Variants in MAST2 observed in about 807,000 individuals in gnomAD.
MAST2 encodes microtubule associated serine/threonine kinase 2.
Under a neutral mutation model 147.4 loss-of-function variants are expected in MAST2, and 70 were observed. The observed-to-expected ratio is 0.47, with a 90% confidence interval of 0.39 to 0.58. MAST2 has a LOEUF of 0.58. Among genes scored for constraint, MAST2 ranks in the 20% least tolerant of loss-of-function variants. MAST2 has a pLI of 0.00. For missense variants in MAST2, 2,080 were observed against 2,302.3 expected, an observed-to-expected ratio of 0.90 and a Z score of 1.98; for synonymous variants, 869 against 896.8, an observed-to-expected ratio of 0.97 and a Z score of 0.55.
chr1:45,884,487 G>C (rs1368983856), intron 4 of MAST2, among the ~76,000 whole-genome samples: 1 of 152,194 alleles, frequency 6.6e-6, no homozygotes, highest in Admixed American at 6.5e-5. Context: ...AGGAGACGGA[G>C]GTTGCAGTGA....
intron 4 of MAST2, among the ~76,000 whole-genome samples, chr1:45,927,821 G>T (rs1654643471): frequency 6.6e-6 from 1 of 152,204 alleles, no homozygotes; most frequent in African/African-American, 2.4e-5. Context: ...AAGTGTCCAT[G>T]AAATCTTTAC....
chr1:45,858,160 T>C (rs1645855311), intron 3 of MAST2, among the ~76,000 whole-genome samples: 1 of 152,312 alleles, frequency 6.6e-6, no homozygotes, highest in Middle Eastern at 3.4e-3. Context: ...ATGGTATTTC[T>C]AGTTCTGCAT....
In MAST2 at chr1:45,997,727, A is replaced by G; in HGVS notation, c.596A>G (p.Asn199Ser). ...PHSPLHGHTG[N>S]SPLDSPRNFS... Reference sequence around the variant, plus strand: ...TTGTTTCTTTTCCCATCCACAGGTAACAGTCCTTTGGACAGCCCCCGGAAT... The same window carrying G: ...TTGTTTCTTTTCCCATCCACAGGTAGCAGTCCTTTGGACAGCCCCCGGAAT... Residue 199 changes from asparagine (N) to serine (S), a missense_variant, in exon 6 of 29, where the codon AAC (asparagine) becomes AGC (serine). Asn to Ser is a conservative substitution (Grantham distance 46). This residue lies in a region of MAST2 where 569 missense variants were observed against 642.5 expected (regional missense o/e 0.89). Coordinates refer to ENST00000361297, the MANE Select transcript of MAST2 (RefSeq NM_015112.3). 1 of 1,613,784 alleles carries G rather than the reference A, an allele frequency of 6.2e-7. No individual in the cohort carries two copies. The highest frequency in any genetic ancestry group is 2.2e-5 in the East Asian group (1 of 44,886).
intron 3 of MAST2, among the ~76,000 whole-genome samples, chr1:45,882,053 G>A (rs977720356): frequency 4.1e-5 from 6 of 144,954 alleles, no homozygotes; most frequent in Admixed American, 2.8e-4. Flanking sequence ...TTAGCCAGGC[G>A]TGGTGGCGGG....
intron 4 of MAST2, among the ~76,000 whole-genome samples, chr1:45,941,538 G>A (rs34325724): frequency 0.45 from 68,044 of 152,134 alleles, 15,416 homozygotes; most frequent in East Asian, 0.63. Flanking sequence ...AATTACAGGC[G>A]TGAGCTACCG....
intron 4 of MAST2, among the ~76,000 whole-genome samples, chr1:45,917,950 C>A (rs894695064): frequency 1.3e-5 from 2 of 152,180 alleles, no homozygotes; most frequent in Non-Finnish European, 2.9e-5. Context: ...TTCTTTCTGT[C>A]TTCCTTTTCT....
In MAST2 at chr1:46,025,789, C is replaced by T. The variant is rs777674645; in HGVS notation, c.1893C>T (p.Ile631=). 52 of 1,614,088 alleles carry T rather than the reference C, an allele frequency of 3.2e-5. No homozygotes were observed. Among genetic ancestry groups the T allele is most frequent in the Non-Finnish European group, 4.2e-5 (49 of 1,180,048 alleles). Reference sequence around the variant, plus strand: ...TGGAGTACTTACACAACTATGGCATCGTGCACCGTGACCTCAAGCCTGACA... The same window carrying T: ...TGGAGTACTTACACAACTATGGCATTGTGCACCGTGACCTCAAGCCTGACA... ...LALEYLHNYG[I]VHRDLKPDNL... Residue 631 remains isoleucine (I), a synonymous_variant, in exon 16 of 29, where the codon ATC becomes ATT. Coordinates refer to ENST00000361297, the MANE Select transcript of MAST2 (RefSeq NM_015112.3).
At chr1:45,908,807 G>C (rs1040097466) in intron 4 of MAST2, among the ~76,000 whole-genome samples, 3 of 152,120 alleles carry the variant, frequency 2.0e-5, no homozygotes, top group African/African-American at 7.2e-5. Flanking sequence ...AACTCTAGCT[G>C]TCTGCCCTTG....
intron 5 of MAST2, among the ~76,000 whole-genome samples, chr1:45,979,861 T>TA (rs1644327923): frequency 6.6e-6 from 1 of 151,894 alleles, no homozygotes; most frequent in Non-Finnish European, 1.5e-5. Context: ...AAAGTAGCTA[T>TA]AAAAAAGAAT....
chr1:46,013,617 T>C (rs1431837031), intron 10 of MAST2, among the ~76,000 whole-genome samples: 2 of 151,308 alleles, frequency 1.3e-5, no homozygotes, highest in Non-Finnish European at 2.9e-5. Context: ...TAGGTGGAGG[T>C]TGCGGTGAGC....
chr1:46,020,200 C>A (rs1037749365), intron 11 of MAST2, among the ~76,000 whole-genome samples: 4 of 152,166 alleles, frequency 2.6e-5, no homozygotes, highest in African/African-American at 9.7e-5. Flanking sequence ...GGTCAGTACA[C>A]AGCGTAACGG....
At chr1:45,973,733 AGT>A (rs1405216613) in intron 5 of MAST2, among the ~76,000 whole-genome samples, 1 of 152,200 alleles carries the variant, frequency 6.6e-6, no homozygotes. Flanking sequence ...TAGAATATAT[AGT>A]GTCCTGGAAA....
At position 46,035,299 on chromosome 1, in the gene MAST2, G is replaced by A. The variant is rs1646856311; in HGVS notation, c.4630G>A (p.Glu1544Lys). The A allele has an allele frequency of 6.2e-7, 1 of 1,613,982 alleles. No individual in the cohort carries two copies. The highest frequency in any genetic ancestry group is 2.2e-5 in the East Asian group (1 of 44,852). The change falls in exon 29 of 29, where the codon GAG becomes AAG. Residue 1544 changes from glutamate (E) to lysine (K), a missense_variant. This residue lies in a region of MAST2 where 1,278 missense variants were observed against 1,304.2 expected (regional missense o/e 0.98). Coordinates refer to ENST00000361297, the MANE Select transcript of MAST2 (RefSeq NM_015112.3). This position sits in a 1 kb window ranked among gnomAD's most constrained non-coding sequence, Gnocchi z 5.5. ...TAAAGGAGCAGGAGAGAGTGGGGAA[G>A]AGGATCCTTTCCCGTCCAGAGACCC... is the stretch of plus-strand genomic sequence containing the variant. Reference protein sequence around the residue: ...APKGAGESGEEDPFPSRDPRS... With the variant: ...APKGAGESGEKDPFPSRDPRS...
intron 4 of MAST2, chr1:45,913,970 CTG>C (rs1354918122): frequency 1.1e-6 from 1 of 914,088 alleles, no homozygotes; most frequent in Non-Finnish European, 1.4e-6. Context: ...TGGATGAAGA[CTG>C]TTTTGGAGAT....
At position 46,027,873 on chromosome 1, in the gene MAST2, G is replaced by A; in HGVS notation, c.2052+10G>A. 2 of 1,613,820 alleles carry A rather than the reference G, an allele frequency of 1.2e-6. No individual in the cohort carries two copies. Among genetic ancestry groups the A allele is most frequent in the East Asian group, 2.2e-5 (1 of 44,864 alleles). On this transcript the variant is annotated intron_variant, in intron 17 of 28. Transcript: ENST00000361297. ...ATTCCTGGACAAGCAGGTAAGGAAG[G>A]GTAGTTGATACACTGGGGGTTAAAT...
intron 5 of MAST2, among the ~76,000 whole-genome samples, chr1:45,986,486 C>A (rs987311673): frequency 6.6e-6 from 1 of 151,968 alleles, no homozygotes; most frequent in South Asian, 2.1e-4. Context: ...GAGGCCGAGG[C>A]GGGCGGATCA....
At chr1:45,804,141 A>T (rs1024090072) in intron 1 of MAST2, 69 bp downstream of exon 1, 5 of 1,194,490 alleles carry the variant, frequency 4.2e-6, no homozygotes, top group Non-Finnish European at 5.2e-6. Context: ...CTTCGGCGGG[A>T]GGACCCGGGC....
At chr1:45,982,382 A>T (rs1363976446) in intron 5 of MAST2, among the ~76,000 whole-genome samples, 1 of 152,172 alleles carries the variant, frequency 6.6e-6, no homozygotes, top group Non-Finnish European at 1.5e-5. Flanking sequence ...CAGGTTGGGG[A>T]CTGATCACAA....
chr1:45,882,322 G>C (rs1488614803), intron 3 of MAST2, 42 bp from the exon 4 acceptor site: 9 of 1,507,974 alleles, frequency 6.0e-6, no homozygotes, highest in Non-Finnish European at 8.3e-6. Context: ...ACAGGACTCA[G>C]ATGGGTTCTT....
Sources: allele counts gnomAD v4.1 joint callset (sites outside exome capture counted in the v4.1 genomes callset), GRCh38; gene constraint gnomAD v4.1.1; regional missense constraint gnomAD v4.1.1; non-coding constraint Gnocchi (gnomAD v3.1); transcripts MANE v1.5; gene names NCBI Gene and HGNC (gene_info 2026-07-23, HGNC 2026-07-21).